OR9Q1: variants seen among roughly 807,000 people sequenced by gnomAD.
The protein encoded by OR9Q1 is olfactory receptor family 9 subfamily Q member 1.
For missense variants in OR9Q1, 374 were observed against 378.8 expected (o/e 0.99, Z 0.11); for synonymous variants, 153 against 148.6 (o/e 1.03, Z -0.22).
At chr11:58,063,628 GTGTT>G (rs1425872273) in intron 2 of OR9Q1, among the ~76,000 whole-genome samples, 1 of 152,182 alleles carries the variant, frequency 6.6e-6, no homozygotes, top group Non-Finnish European at 1.5e-5. Flanking sequence ...AGAGAATAAA[GTGTT>G]TGCATCTAAC....
chr11:58,082,743 T>TAATAATAATAATAAC (rs796608266), intron 2 of OR9Q1, among the ~76,000 whole-genome samples: 7,791 of 52,650 alleles, frequency 0.15, 351 homozygotes, highest in African/African-American at 0.2. Context: ...ACTTAAAGTA[T>TAATAATAATAATAAC]AATAATAATA....
chr11:58,029,006 G>T (rs563494563), intron 1 of OR9Q1, among the ~76,000 whole-genome samples: 16 of 152,160 alleles, frequency 1.1e-4, no homozygotes, highest in Non-Finnish European at 2.2e-4. Flanking sequence ...TCTCCAAAGG[G>T]TCAGAAATAG....
chr11:58,180,068 T>G lies in OR9Q1; in HGVS notation c.624T>G (p.Pro208=). 6.2e-7 allele frequency: 1 copy of G among 1,614,226 alleles called. No homozygotes were observed. The highest frequency in any genetic ancestry group is 1.1e-5 in the South Asian group (1 of 91,080). ...TTATGTTTGCCATTTTTGTCATCCC[T>G]GCTTCCATGGTGGTGATCTTGGTGT... The part of the protein sequence containing the change: ...LIIMFAIFVI[P]ASMVVILVSY... The change falls in exon 3 of 3, where the codon CCT becomes CCG. Residue 208 remains proline (P), a synonymous_variant. Coordinates refer to ENST00000335397, the MANE Select transcript of OR9Q1 (RefSeq NM_001005212.4).
intron 2 of OR9Q1, among the ~76,000 whole-genome samples, chr11:58,161,268 A>G (rs1854455334): frequency 6.6e-6 from 1 of 151,902 alleles, no homozygotes; most frequent in Non-Finnish European, 1.5e-5. Flanking sequence ...AAAGAGTTAT[A>G]TATGTGACTG....
At chr11:58,038,978 T>C (rs552029686) in intron 1 of OR9Q1, among the ~76,000 whole-genome samples, 1 of 152,194 alleles carries the variant, frequency 6.6e-6, no homozygotes, top group Admixed American at 6.5e-5. Context: ...TCTTCTTTAT[T>C]TTTAAATTAT....
intron 2 of OR9Q1, among the ~76,000 whole-genome samples, chr11:58,074,839 C>A (rs1345735725): frequency 6.6e-6 from 1 of 152,066 alleles, no homozygotes; most frequent in Admixed American, 6.6e-5. Context: ...ACCAGTTTTC[C>A]CAACACTATT....
intron 1 of OR9Q1, among the ~76,000 whole-genome samples, chr11:58,029,411 C>G (rs1469859977): frequency 6.6e-6 from 1 of 152,150 alleles, no homozygotes; most frequent in Non-Finnish European, 1.5e-5. Flanking sequence ...TGGAACCTGG[C>G]ACAGCATCAC....
chr11:58,162,100 G>C (rs1012193325), intron 2 of OR9Q1, among the ~76,000 whole-genome samples: 1 of 152,168 alleles, frequency 6.6e-6, no homozygotes, highest in Non-Finnish European at 1.5e-5. Flanking sequence ...TTATATTTTA[G>C]AGAAACAAGA....
Position 58,079,728 on chromosome 11 carries a change from C to A in OR9Q1, c.-15+23781C>A, listed in dbSNP as rs115858158. On this transcript the variant is annotated intron_variant, in intron 2 of 2. Transcript: ENST00000335397. ...GAGAACAGGAAACCATGAGAAAAGG[C>A]GCCCCAGTTGCCTCAGTTGTACCAG... Among the ~76,000 whole-genome samples the A allele has an allele frequency of 8.3e-3, 1,263 of 152,172 alleles. 16 individuals are homozygous for A. The highest frequency in any genetic ancestry group is 0.029 in the African/African-American group (1,184 of 41,524).
chr11:58,115,768 C>A (rs2120119356), intron 2 of OR9Q1, among the ~76,000 whole-genome samples: 1 of 152,178 alleles, frequency 6.6e-6, no homozygotes, highest in Admixed American at 6.6e-5. Context: ...AATACATATA[C>A]AAAGAAGTAC....
At position 58,118,220 on chromosome 11, in the gene OR9Q1, C is replaced by T. The variant is rs143995424; in HGVS notation, c.-14-61211C>T. ...GTTGGAATGAAATAAACTCAAGACT[C>T]CTGGGATCTGAGATTCTATAAGTTG... On this transcript the variant is annotated intron_variant, in intron 2 of 2. Coordinates refer to ENST00000335397, the MANE Select transcript of OR9Q1 (RefSeq NM_001005212.4). 549 of 269,682 alleles carry T rather than the reference C, an allele frequency of 2.0e-3. 2 individuals carry two copies. Among genetic ancestry groups the T allele is most frequent in the African/African-American group, 0.011 (513 of 45,490 alleles). 16.7% of individuals were successfully genotyped at this position (269,682 alleles called of 1,614,324 possible).
At chr11:58,167,101 A>G (rs1482394409) in intron 2 of OR9Q1, among the ~76,000 whole-genome samples, 2 of 152,180 alleles carry the variant, frequency 1.3e-5, no homozygotes, top group Non-Finnish European at 2.9e-5. Context: ...CCTTCCACTT[A>G]TAAGTGAGAA....
intron 2 of OR9Q1, among the ~76,000 whole-genome samples, chr11:58,071,666 T>C (rs1300194556): frequency 1.3e-5 from 2 of 152,216 alleles, no homozygotes; most frequent in Middle Eastern, 3.4e-3. Flanking sequence ...CACAACAACA[T>C]ACTACGAGAA....
chr11:58,129,658 C>T (rs368654920), intron 2 of OR9Q1, among the ~76,000 whole-genome samples: 4 of 152,078 alleles, frequency 2.6e-5, no homozygotes, highest in East Asian at 3.9e-4. Flanking sequence ...CGAGAAGGTG[C>T]GCTTGTGTCT....
At chr11:58,080,291 C>G (rs925676852) in intron 2 of OR9Q1, among the ~76,000 whole-genome samples, 12 of 152,224 alleles carry the variant, frequency 7.9e-5, no homozygotes, top group African/African-American at 2.6e-4. Context: ...TGGCTGCCTG[C>G]TGCATCCATG....
intron 2 of OR9Q1, among the ~76,000 whole-genome samples, chr11:58,161,814 G>C (rs1338172861): frequency 6.6e-6 from 1 of 152,224 alleles, no homozygotes; most frequent in African/African-American, 2.4e-5. Context: ...TTACAGGCGT[G>C]AGCCACCGCA....
intron 2 of OR9Q1, among the ~76,000 whole-genome samples, chr11:58,093,044 C>T (rs1044000524): frequency 6.6e-6 from 1 of 152,060 alleles, no homozygotes; most frequent in Non-Finnish European, 1.5e-5. Flanking sequence ...CTCAACTTCT[C>T]TAACTCTGTC....
At chr11:58,141,107 A>G (rs1854244004) in intron 2 of OR9Q1, among the ~76,000 whole-genome samples, 1 of 152,188 alleles carries the variant, frequency 6.6e-6, no homozygotes, top group Non-Finnish European at 1.5e-5. Flanking sequence ...TTGGTGTATA[A>G]GAACGCTTGT....
intron 1 of OR9Q1, among the ~76,000 whole-genome samples, chr11:58,035,358 T>G (rs1028107991): frequency 2.0e-5 from 3 of 152,210 alleles, no homozygotes; most frequent in Non-Finnish European, 4.4e-5. Context: ...GTCCATGCAC[T>G]TAATCATTTT....
Sources: gnomAD v4.1 joint callset for allele counts (sites outside exome capture counted in the v4.1 genomes callset) on GRCh38, gnomAD v4.1.1 for gene constraint, MANE v1.5 for transcripts, NCBI Gene and HGNC (gene_info 2026-07-23, HGNC 2026-07-21) for gene names.